IQGAP2: variants seen among roughly 807,000 people sequenced by gnomAD.
IQGAP2 encodes IQ motif containing GTPase activating protein 2, also known as ras GTPase-activating-like protein IQGAP2.
In IQGAP2, 173 loss-of-function variants were observed where a neutral mutation model predicts 201.3. The observed-to-expected ratio is 0.86, with a 90% CI of 0.76 to 0.98. The LOEUF is 0.98. Ranked by LOEUF, IQGAP2 falls within the 50% of genes least tolerant of loss-of-function variation. The probability of loss-of-function intolerance (pLI) is 0.00; values close to 1 mark genes in which losing one functional copy is unlikely to be tolerated. For synonymous variants in IQGAP2, 675 were observed against 673.9 expected (o/e 1.00, Z -0.03); for missense variants, 1,687 against 1,864.8 (o/e 0.90, Z 1.76).
At chr5:76,652,926 T>A in intron 18 of IQGAP2, 93 bp downstream of exon 18, 1 of 824,134 alleles carries the variant, frequency 1.2e-6, no homozygotes, top group Non-Finnish European at 2.1e-6. Context: ...AAAGGGAGGG[T>A]ACATGTGAGC....
intron 24 of IQGAP2, among the ~76,000 whole-genome samples, chr5:76,672,345 G>A (rs762867962): frequency 6.6e-6 from 1 of 152,154 alleles, no homozygotes. Flanking sequence ...TAACAATCCA[G>A]GTTGGATTGG....
intron 2 of IQGAP2, among the ~76,000 whole-genome samples, chr5:76,541,937 T>C (rs1742803962): frequency 6.6e-6 from 1 of 152,198 alleles, no homozygotes; most frequent in African/African-American, 2.4e-5. Flanking sequence ...ATAAGAGTTT[T>C]AGATGTATTT....
At chr5:76,479,616 T>G (rs1755657018) in intron 2 of IQGAP2, among the ~76,000 whole-genome samples, 1 of 152,142 alleles carries the variant, frequency 6.6e-6, no homozygotes, top group East Asian at 1.9e-4. Context: ...ATAGTTTGTC[T>G]AGCAGCTGCT....
At chr5:76,450,421 A>G (rs1226786088) in intron 1 of IQGAP2, among the ~76,000 whole-genome samples, 3 of 152,216 alleles carry the variant, frequency 2.0e-5, no homozygotes, top group African/African-American at 7.2e-5. Context: ...AACCAAGAAT[A>G]GTTTTAAATA....
intron 35 of IQGAP2, 129 bp downstream of exon 35, chr5:76,702,719 A>G (rs896452978): frequency 2.2e-5 from 13 of 582,990 alleles, no homozygotes; most frequent in Non-Finnish European, 4.0e-5. Context: ...TTATTTGCCA[A>G]TATTTGTTAA....
intron 14 of IQGAP2, among the ~76,000 whole-genome samples, chr5:76,630,380 A>G (rs1337853514): frequency 4.6e-5 from 7 of 152,138 alleles, no homozygotes; most frequent in African/African-American, 1.4e-4. Flanking sequence ...ACTTTATACC[A>G]TAGACTTTGG....
chr5:76,545,748 T>C (rs566641326), intron 2 of IQGAP2, among the ~76,000 whole-genome samples: 1 of 152,332 alleles, frequency 6.6e-6, no homozygotes, highest in East Asian at 1.9e-4. Flanking sequence ...TCTTTGTGAC[T>C]TTTTACCCAG....
At chr5:76,450,450 C>A (rs779316472) in intron 1 of IQGAP2, among the ~76,000 whole-genome samples, 1 of 152,184 alleles carries the variant, frequency 6.6e-6, no homozygotes, top group South Asian at 2.1e-4. Flanking sequence ...CTCTATAGAG[C>A]AATCTATTAG....
intron 2 of IQGAP2, among the ~76,000 whole-genome samples, chr5:76,529,501 G>A (rs990314658): frequency 4.1e-4 from 62 of 152,034 alleles, no homozygotes; most frequent in African/African-American, 1.4e-3. Flanking sequence ...AGTGGCGCAC[G>A]CCTGTAATCC....
At chr5:76,527,434 T>C (rs573986170) in intron 2 of IQGAP2, among the ~76,000 whole-genome samples, 2 of 152,276 alleles carry the variant, frequency 1.3e-5, no homozygotes, top group African/African-American at 4.8e-5. Flanking sequence ...GTGCCCCCCA[T>C]AGACCTCTCC....
chr5:76,589,747 C>T lies in IQGAP2; in HGVS notation c.640+19C>T, dbSNP rs1323966743. The T allele has an allele frequency of 5.6e-6, 8 of 1,420,644 alleles. No individual in the cohort carries two copies. The South Asian group carries it at 8.9e-5, about 16-fold the overall frequency. The allele number at this position is 1,420,644 out of a possible 1,614,324, so 88.0% of individuals were successfully genotyped here. On this transcript the variant is annotated intron_variant, in intron 7 of 35. Coordinates refer to ENST00000274364, the MANE Select transcript of IQGAP2 (RefSeq NM_006633.5). ...GCTGCATGTAAGTCCATTCAAAATC[C>T]AAACTTGCCATGGATGTGAGACTTA...
rs182860123 is a variant in IQGAP2 at position 76,695,531 on chromosome 5, A to G, written c.4071A>G (p.Gln1357=). Residue 1357 remains glutamine (Q), a synonymous_variant, in exon 32 of 36, where the codon CAA becomes CAG. Transcript: ENST00000274364. Reference sequence around the variant, plus strand: ...CTCCAGAAGAAATGAAGCATAGCCAATCTATGATTGAAGATGCACAGCTGC... The same window carrying G: ...CTCCAGAAGAAATGAAGCATAGCCAGTCTATGATTGAAGATGCACAGCTGC... The part of the protein sequence containing the change: ...SRTPEEMKHS[Q]SMIEDAQLPL... 346 of 1,614,186 alleles carry G rather than the reference A, an allele frequency of 2.1e-4. No homozygotes were observed. The highest frequency in any genetic ancestry group is 9.7e-4 in the Admixed American group (58 of 60,028).
chr5:76,613,497 A>G (rs1025535766), intron 13 of IQGAP2, among the ~76,000 whole-genome samples: 1 of 152,222 alleles, frequency 6.6e-6, no homozygotes. Flanking sequence ...TGAGGGTTCA[A>G]TGAGAATATA....
At position 76,695,587 on chromosome 5, in the gene IQGAP2, G is replaced by A; in HGVS notation, c.4127G>A (p.Arg1376Lys). The A allele has an allele frequency of 6.2e-7, 1 of 1,614,142 alleles. No individual in the cohort carries two copies. The highest frequency in any genetic ancestry group is 8.5e-7 in the Non-Finnish European group (1 of 1,180,016). ...GAGCAGAAGAAGAGGAAAATCCAGA[G>A]GAATCTTCGGACGTTGGAACAGACT... ...PLEQKKRKIQRNLRTLEQTGH... is the reference protein window; with the variant it reads ...PLEQKKRKIQKNLRTLEQTGH... The change falls in exon 32 of 36, where the codon AGG becomes AAG. Residue 1376 changes from arginine to lysine, a missense_variant. Transcript: ENST00000274364.
chr5:76,403,427 A>C lies in IQGAP2; in HGVS notation c.-119A>C. The C allele has an allele frequency of 1.5e-6, 1 of 689,440 alleles. No homozygotes were observed. 42.7% of individuals were successfully genotyped at this position (689,440 alleles called of 1,614,324 possible). On this transcript the variant is annotated 5_prime_UTR_variant, in exon 1 of 36. Transcript: ENST00000274364. The surrounding 1 kb of genome is among the most constrained non-coding windows in gnomAD (Gnocchi z 4.8). ...GTGGGTCGCAGATCTTCGGGCGGCT[A>C]GGGGAAATCGGCGAGAGGCGGGATC...
At chr5:76,470,324 G>GTCAAGGCCATGC (rs1358400517) in intron 2 of IQGAP2, among the ~76,000 whole-genome samples, 32 of 152,188 alleles carry the variant, frequency 2.1e-4, no homozygotes, top group African/African-American at 7.5e-4. Context: ...GAGTTACTAA[G>GTCAAGGCCATGC]TCAAGGCCAT....
At chr5:76,491,446 T>G (rs1419768051) in intron 2 of IQGAP2, among the ~76,000 whole-genome samples, 1 of 152,082 alleles carries the variant, frequency 6.6e-6, no homozygotes. Context: ...GTTTGAGAGG[T>G]ATGCAGGATT....
chr5:76,527,408 C>G (rs1285897262), intron 2 of IQGAP2, among the ~76,000 whole-genome samples: 1 of 152,198 alleles, frequency 6.6e-6, no homozygotes, highest in Non-Finnish European at 1.5e-5. Context: ...TAGCCCTGCA[C>G]TTCTGAGATC....
At chr5:76,550,588 A>C (rs2150232853) in intron 2 of IQGAP2, among the ~76,000 whole-genome samples, 1 of 152,204 alleles carries the variant, frequency 6.6e-6, no homozygotes, top group East Asian at 1.9e-4. Context: ...GCATCTGTTT[A>C]ACAAAGCACA....
Sources: allele counts gnomAD v4.1 joint callset (sites outside exome capture counted in the v4.1 genomes callset), GRCh38; gene constraint gnomAD v4.1.1; non-coding constraint Gnocchi (gnomAD v3.1); transcripts MANE v1.5; gene names NCBI Gene and HGNC (gene_info 2026-07-23, HGNC 2026-07-21).